Variants in ANKRD28 observed in about 807,000 individuals in gnomAD.
The protein encoded by ANKRD28 is serine/threonine-protein phosphatase 6 regulatory ankyrin repeat subunit A.
Under a neutral mutation model 126.5 loss-of-function variants are expected in ANKRD28, and 44 were observed. The ratio of observed to expected loss-of-function variants is 0.35; its 90% CI spans 0.27 to 0.45. The LOEUF (loss-of-function observed/expected upper bound fraction) is 0.45, where lower values mean the gene tolerates loss of function less well. Among genes scored for constraint, ANKRD28 ranks in the 20% least tolerant of loss-of-function variants. The pLI is 1.00. For missense variants in ANKRD28, 1,110 were observed against 1,316.6 expected (o/e 0.84, Z 2.43); for synonymous variants, 442 against 468.5 (o/e 0.94, Z 0.73).
intron 6 of ANKRD28, among the ~76,000 whole-genome samples, chr3:15,730,967 CCACAATGTGGTGCTTCAAGAGGGCCCT>C (rs1347132216): frequency 6.6e-6 from 1 of 152,180 alleles, no homozygotes; most frequent in Non-Finnish European, 1.5e-5. Flanking sequence ...GTTTGACTCC[CCACAATGTGGTGCTTCAAGAGGGCCCT>C]CACTAGATGC....
In ANKRD28 at chr3:15,678,216, A is replaced by G. The variant is rs1559316976; in HGVS notation, c.2700T>C (p.Asn900=). ...TTAAAGAAGTTTCTTTACCAACTGT[A>G]TTTGTTTGTCCATTTTCTGCAGCCA... ...LMMAAENGQT[N]TVEMLVSSAS... Residue 900 remains asparagine, a synonymous_variant, in exon 24 of 28, where the codon AAT becomes AAC. Coordinates refer to ENST00000683139, the MANE Select transcript of ANKRD28 (RefSeq NM_001349278.2). The G allele has an allele frequency of 6.2e-7, 1 of 1,609,730 alleles. No homozygotes were observed. The highest frequency in any genetic ancestry group is 8.5e-7 in the Non-Finnish European group (1 of 1,179,030).
intron 8 of ANKRD28, among the ~76,000 whole-genome samples, chr3:15,717,095 A>AT (rs1428187383): frequency 6.6e-6 from 1 of 152,152 alleles, no homozygotes; most frequent in African/African-American, 2.4e-5. Flanking sequence ...GGGTTAAGTG[A>AT]TTTTACTAGG....
At position 15,700,729 on chromosome 3, in the gene ANKRD28, G is replaced by A. The variant is rs573708124; in HGVS notation, c.1548-4484C>T. Among the ~76,000 whole-genome samples, 13 of 152,210 alleles carry A rather than the reference G, an allele frequency of 8.5e-5. No homozygotes were observed. The East Asian group carries it at 1.7e-3, about 20-fold the overall frequency. On this transcript the variant is annotated intron_variant, in intron 14 of 27. Coordinates refer to ENST00000683139, the MANE Select transcript of ANKRD28 (RefSeq NM_001349278.2). ...GCGGAGGTTGCAGTGAGCAGAGATC[G>A]CGCCACTGCACTCCAGCCTGGCGAC...
At chr3:15,686,364 A>T in intron 18 of ANKRD28, 55 bp from the exon 19 acceptor site, 1 of 1,354,984 alleles carries the variant, frequency 7.4e-7, no homozygotes, top group South Asian at 1.3e-5. Context: ...AAAATAGAAA[A>T]TGTCCATCTA....
rs114263158 is a variant in ANKRD28 at position 15,794,822 on chromosome 3, A to T, written c.201+401T>A. 5.7e-3 allele frequency among the ~76,000 whole-genome samples: 864 copies of T among 152,332 alleles called. 6 individuals are homozygous for T. Among genetic ancestry groups the T allele is most frequent in the African/African-American group, 0.02 (824 of 41,574 alleles). ...TACACTTACAAGAATCCTCATTTGA[A>T]ATGCACAGTTAAGTATTTAATGGTG... On this transcript the variant is annotated intron_variant, in intron 2 of 27. Coordinates refer to ENST00000683139, the MANE Select transcript of ANKRD28 (RefSeq NM_001349278.2).
chr3:15,851,531 G>C (rs1475736579), intron 1 of ANKRD28, among the ~76,000 whole-genome samples: 1 of 150,682 alleles, frequency 6.6e-6, no homozygotes, highest in Non-Finnish European at 1.5e-5. Flanking sequence ...GTGACAAAGT[G>C]AGACTCTGTG....
Position 15,693,327 on chromosome 3 carries a change from C to CAGAGAGAG in ANKRD28, c.1761+1404_1761+1411dup, listed in dbSNP as rs59750718. ...TGACAAAAAAATAGTAATGGGGGGG[C>CAGAGAGAG]AGAGAGAGAGAGAGAGAGAGAGACC... On this transcript the variant is annotated intron_variant, in intron 17 of 27. Transcript: ENST00000683139. Among the ~76,000 whole-genome samples the CAGAGAGAG allele has an allele frequency of 4.0e-3, 592 of 148,466 alleles. 1 individual carries two copies. The highest frequency in any genetic ancestry group is 0.021 in the East Asian group (107 of 5,060).
At chr3:15,753,405 T>C (rs1009051265) in intron 3 of ANKRD28, among the ~76,000 whole-genome samples, 4 of 152,250 alleles carry the variant, frequency 2.6e-5, no homozygotes, top group African/African-American at 9.6e-5. Context: ...AGCTAGCGTC[T>C]TTCGTTTTCC....
At chr3:15,706,493 T>C (rs2071431847) in intron 14 of ANKRD28, among the ~76,000 whole-genome samples, 10 of 152,254 alleles carry the variant, frequency 6.6e-5, no homozygotes, top group Admixed American at 5.9e-4. Context: ...CTATCATTGA[T>C]GGACATTTGG....
chr3:15,669,562 A>G lies in ANKRD28; in HGVS notation c.*708T>C, dbSNP rs529228653. 2 of 152,162 alleles carry G rather than the reference A, an allele frequency of 1.3e-5. No individual in the cohort carries two copies. Among genetic ancestry groups the G allele is most frequent in the Non-Finnish European group, 2.9e-5 (2 of 68,026 alleles). The allele number at this position is 152,162 out of a possible 1,614,324, so 9.4% of individuals were successfully genotyped here. A position where few individuals can be genotyped will look rare whatever the true frequency, so the allele number is the denominator to read the frequency against. On this transcript the variant is annotated 3_prime_UTR_variant, in exon 28 of 28. Transcript: ENST00000683139. Reference sequence around the variant, plus strand: ...ACCCAGTCAGCTGGTTTTTAATTCTAATAGTATAAAAATTGGAAATTTGAA... The same window carrying G: ...ACCCAGTCAGCTGGTTTTTAATTCTGATAGTATAAAAATTGGAAATTTGAA...
rs2061461197 is a variant in ANKRD28 at position 15,843,340 on chromosome 3, C to T, written c.27+16037G>A. Among the ~76,000 whole-genome samples, 2 of 152,150 alleles carry T rather than the reference C, an allele frequency of 1.3e-5. No homozygotes were observed. Among genetic ancestry groups the T allele is most frequent in the African/African-American group, 4.8e-5 (2 of 41,410 alleles). ...CAATCACCTCTCACCAGACCCCAAT[C>T]CCAACACTAAAGATTACATGTCAAC... On this transcript the variant is annotated intron_variant, in intron 1 of 27. Coordinates refer to the ANKRD28 transcript ENST00000399451. The surrounding 1 kb of genome is among the most constrained non-coding windows in gnomAD (Gnocchi z 5.2).
chr3:15,757,875 T>C (rs2058250998), intron 3 of ANKRD28, among the ~76,000 whole-genome samples: 1 of 152,198 alleles, frequency 6.6e-6, no homozygotes, highest in Non-Finnish European at 1.5e-5. Context: ...GCCACCTAAT[T>C]TGTAAAGTTT....
At chr3:15,758,209 G>A (rs1046550589) in intron 3 of ANKRD28, among the ~76,000 whole-genome samples, 32 of 152,156 alleles carry the variant, frequency 2.1e-4, no homozygotes, top group African/African-American at 7.2e-4. Flanking sequence ...CATAACCAGT[G>A]AGCTGGGCCA....
intron 4 of ANKRD28, among the ~76,000 whole-genome samples, chr3:15,744,434 A>G (rs1371270203): frequency 6.6e-6 from 1 of 151,324 alleles, no homozygotes; most frequent in African/African-American, 2.4e-5. Context: ...CTCAGCCTCC[A>G]GAGTAGCTGA....
intron 1 of ANKRD28, among the ~76,000 whole-genome samples, chr3:15,857,789 A>G (rs2061806433): frequency 6.6e-6 from 1 of 152,254 alleles, no homozygotes; most frequent in African/African-American, 2.4e-5. Flanking sequence ...AAAGTTCACC[A>G]AATTTCTAAT....
Position 15,796,425 on chromosome 3 carries a change from G to A in ANKRD28, c.97C>T (p.Pro33Ser). ...LPQENKSLHS[P>S]PSGNVLPSLV... is the part of the protein sequence containing the mutation. ...CTTACCAATACATTTCCAGAAGGTG[G>A]AGAATGTAGGGATTTATTTTCCTGT... Residue 33 changes from proline to serine, a missense_variant, in exon 1 of 28, where the codon CCA becomes TCA. Transcript: ENST00000683139. 5 of 1,287,138 alleles carry A rather than the reference G, an allele frequency of 3.9e-6. No individual in the cohort carries two copies. The highest frequency in any genetic ancestry group is 5.6e-5 in the East Asian group (1 of 17,986). 79.7% of individuals were successfully genotyped at this position (1,287,138 alleles called of 1,614,324 possible).
intron 27 of ANKRD28, among the ~76,000 whole-genome samples, chr3:15,673,940 C>G (rs1454933408): frequency 2.6e-5 from 4 of 151,782 alleles, no homozygotes; most frequent in Admixed American, 2.0e-4. Context: ...CTCTGGGAGG[C>G]TGAGGTGGGG....
At chr3:15,855,262 C>G (rs2126005717) in intron 1 of ANKRD28, among the ~76,000 whole-genome samples, 1 of 152,234 alleles carries the variant, frequency 6.6e-6, no homozygotes, top group East Asian at 1.9e-4. Flanking sequence ...AACTTATTAA[C>G]TATCCAAAAT....
At chr3:15,829,382 A>AT (rs1456419311) in intron 1 of ANKRD28, among the ~76,000 whole-genome samples, 1 of 152,168 alleles carries the variant, frequency 6.6e-6, no homozygotes, top group African/African-American at 2.4e-5. Flanking sequence ...ATGGTAGCAT[A>AT]TTTTTAGATA....
Sources: gnomAD v4.1 joint callset for allele counts (sites outside exome capture counted in the v4.1 genomes callset) on GRCh38, gnomAD v4.1.1 for gene constraint, Gnocchi (gnomAD v3.1) non-coding constraint, MANE v1.5 for transcripts, NCBI Gene and HGNC (gene_info 2026-07-23, HGNC 2026-07-21) for gene names.